ADAM8: variants seen among roughly 807,000 people sequenced by gnomAD.
ADAM8 encodes ADAM metallopeptidase domain 8, also known as disintegrin and metalloproteinase domain-containing protein 8.
ADAM8 carries 104 observed loss-of-function variants against 102.4 expected under a neutral mutation model. That is an observed-to-expected ratio of 1.02 (90% CI 0.87 to 1.20). The LOEUF (loss-of-function observed/expected upper bound fraction) is 1.20, where lower values mean the gene tolerates loss of function less well. Ranked by LOEUF, ADAM8 falls within the 50% of genes most tolerant of loss-of-function variation. The pLI is 0.00. For synonymous variants in ADAM8, 517 were observed against 485.2 expected (o/e 1.07, Z -0.86); for missense variants, 1,132 against 1,159.0 (o/e 0.98, Z 0.34).
chr10:133,270,258 T>G, intron 16 of ADAM8, 102 bp downstream of exon 16: 2 of 1,438,122 alleles, frequency 1.4e-6, no homozygotes, highest in Non-Finnish European at 1.9e-6. Context: ...TCTGTTCCCA[T>G]GGCCTCGAGC....
At chr10:133,270,035 T>G in intron 16 of ADAM8, 61 bp from the exon 17 acceptor site, 25 of 1,559,256 alleles carry the variant, frequency 1.6e-5, no homozygotes, top group Non-Finnish European at 2.1e-5. Context: ...CAGCGTCCCT[T>G]GAAACTGCAT....
chr10:133,274,146 G>A lies in ADAM8; in HGVS notation c.227+13C>T, dbSNP rs768333937. 6.9e-6 allele frequency: 11 copies of A among 1,584,236 alleles called. No homozygotes were observed. Among genetic ancestry groups the A allele is most frequent in the South Asian group, 1.1e-5 (1 of 87,224 alleles). On this transcript the variant is annotated intron_variant, in intron 3 of 22. Coordinates refer to ENST00000445355, the MANE Select transcript of ADAM8 (RefSeq NM_001109.5). Reference sequence around the variant, plus strand: ...CAGGCCCGGGCAGGGGGGCCGACCCGAGACCCACTCACCTGTTCTTCCGCA... The same window carrying A: ...CAGGCCCGGGCAGGGGGGCCGACCCAAGACCCACTCACCTGTTCTTCCGCA...
chr10:133,273,714 C>T (rs890797692), intron 5 of ADAM8, 48 bp downstream of exon 5: 2 of 1,526,110 alleles, frequency 1.3e-6, no homozygotes, highest in African/African-American at 2.8e-5. Flanking sequence ...CAGGCTTAGG[C>T]CTTCCTCTCC....
chr10:133,270,703 A>T (rs1320064287), intron 15 of ADAM8, 33 bp downstream of exon 15: 2 of 1,584,146 alleles, frequency 1.3e-6, no homozygotes, highest in South Asian at 2.2e-5. Context: ...TGGGAACAGC[A>T]CATGTCCTGG....
intron 17 of ADAM8, 82 bp downstream of exon 17, chr10:133,269,815 G>A (rs761292634): frequency 9.4e-6 from 14 of 1,483,574 alleles, no homozygotes; most frequent in African/African-American, 5.5e-5. Flanking sequence ...TCAGGCTCCC[G>A]TGTCCAGAGC....
chr10:133,263,913 C>T (rs542063313), intron 21 of ADAM8, 148 bp from the exon 22 acceptor site: 86 of 639,526 alleles, frequency 1.3e-4, no homozygotes, highest in East Asian at 4.7e-4. Flanking sequence ...CCACTGAGCT[C>T]GCTACAGAAA....
intron 5 of ADAM8, 58 bp from the exon 6 acceptor site, chr10:133,273,501 G>A (rs776280111): frequency 5.6e-5 from 82 of 1,474,098 alleles, no homozygotes; most frequent in Non-Finnish European, 4.6e-5. Context: ...GTCCTGCCCC[G>A]AAGGACCAGA....
intron 20 of ADAM8, 109 bp downstream of exon 20, chr10:133,267,820 G>T: frequency 9.1e-7 from 1 of 1,094,380 alleles, no homozygotes; most frequent in Non-Finnish European, 1.2e-6. Flanking sequence ...GCTGGCCTGT[G>T]CGTGAATTTA....
At chr10:133,272,712 G>T in intron 8 of ADAM8, 86 bp downstream of exon 8, 1 of 1,530,970 alleles carries the variant, frequency 6.5e-7, no homozygotes, top group Non-Finnish European at 8.8e-7. Flanking sequence ...GGCAGAGCTG[G>T]AGCAGGTGGA....
chr10:133,265,186 A>G (rs1376459226), intron 21 of ADAM8, among the ~76,000 whole-genome samples: 3 of 91,054 alleles, frequency 3.3e-5, no homozygotes, highest in African/African-American at 4.5e-5. Flanking sequence ...CTCCACGCCC[A>G]GCTCCTGCTG....
rs907378814 is a variant in ADAM8 at position 133,272,945 on chromosome 10, C to T, written c.636+12G>A. On this transcript the variant is annotated intron_variant, in intron 7 of 22. Transcript: ENST00000445355. ...GCCGGCTGCTCTCCCACCTTCCCTG[C>T]CCCCAACACACCTCTGCATTGTCCA... 27 of 1,612,734 alleles carry T rather than the reference C, an allele frequency of 1.7e-5. No individual in the cohort carries two copies. The highest frequency in any genetic ancestry group is 2.2e-5 in the Non-Finnish European group (26 of 1,179,832).
intron 6 of ADAM8, 48 bp from the exon 7 acceptor site, chr10:133,273,067 C>T (rs749694883): frequency 6.2e-7 from 1 of 1,612,174 alleles, no homozygotes; most frequent in Non-Finnish European, 8.5e-7. Flanking sequence ...GCGCCGGGGC[C>T]TGGACCCTCC....
In ADAM8 at chr10:133,271,958, C is replaced by CAGG. The variant is rs756131553; in HGVS notation, c.958-7_958-5dup. 6.2e-7 allele frequency: 1 copy of CAGG among 1,609,466 alleles called. No individual in the cohort carries two copies. The highest frequency in any genetic ancestry group is 8.5e-7 in the Non-Finnish European group (1 of 1,177,308). Reference sequence around the variant, plus strand: ...CCACGGGGTTCTTGCTGTGGTCCTGCAGGAGGGTCTGTGCTCTCAGGAACC... The same window carrying CAGG: ...CCACGGGGTTCTTGCTGTGGTCCTGCAGGAGGAGGGTCTGTGCTCTCAGGAACC... On this transcript the variant is annotated splice_polypyrimidine_tract_variant and splice_region_variant and intron_variant, in intron 10 of 22. Coordinates refer to ENST00000445355, the MANE Select transcript of ADAM8 (RefSeq NM_001109.5).
Position 133,262,968 on chromosome 10 carries a change from A to G in ADAM8, c.*188T>C. 1 of 738,084 alleles carries G rather than the reference A, an allele frequency of 1.4e-6. No individual in the cohort carries two copies. Among genetic ancestry groups the G allele is most frequent in the Non-Finnish European group, 2.4e-6 (1 of 420,248 alleles). The allele number at this position is 738,084 out of a possible 1,614,324, so 45.7% of individuals were successfully genotyped here. A position where few individuals can be genotyped will look rare whatever the true frequency, so the allele number is the denominator to read the frequency against. ...GGCTACACGTGGCCAAGGCGGGGAG[A>G]AGGAATTGGCTGAGGGCGTGGACAG... On this transcript the variant is annotated 3_prime_UTR_variant, in exon 23 of 23. Transcript: ENST00000445355.
At chr10:133,267,881 C>A (rs1432255404) in intron 20 of ADAM8, 48 bp downstream of exon 20, 3 of 1,256,000 alleles carry the variant, frequency 2.4e-6, no homozygotes, top group Non-Finnish European at 3.0e-6. Flanking sequence ...CAGGATGGGG[C>A]CTGGGCACTG....
In ADAM8 at chr10:133,268,096, T is replaced by C. The variant is rs1360864227; in HGVS notation, c.2086A>G (p.Met696Val). 2 of 1,273,618 alleles carry C rather than the reference T, an allele frequency of 1.6e-6. No homozygotes were observed. The highest frequency in any genetic ancestry group is 1.5e-5 in the African/African-American group (1 of 65,542). 78.9% of individuals were successfully genotyped at this position (1,273,618 alleles called of 1,614,324 possible). A position where few individuals can be genotyped will look rare whatever the true frequency, so the allele number is the denominator to read the frequency against. ...TGGAACAGGGGGTTGGAGCGCCCCA[T>C]TGTGGTCTTGGGAGCCACGTTCCTG... ...LSRNVAPKTT[M>V]GRSNPLFHQA... is the part of the protein sequence containing the mutation. The change falls in exon 20 of 23, where the codon ATG (methionine) becomes GTG (valine). Residue 696 changes from methionine to valine, a missense_variant. By Grantham distance (21) the Met-to-Val change is conservative. Transcript: ENST00000445355.
Position 133,268,011 on chromosome 10 carries a change from TG to T in ADAM8, c.2170del (p.Gln724LysfsTer22). On this transcript the variant is annotated frameshift_variant, in exon 20 of 23. Transcript: ENST00000445355. LOFTEE classifies it high-confidence loss of function. The part of the protein sequence containing the change: ...GGAPAPSRGP[Q>X]ELVPTTHPGQ... ...CGGGTGGGTGGTGGGGACCAGCTCTTGGGGGCCCCTGGATGGGGCTGGAGCC... is the reference window on the plus strand; with the variant it reads ...CGGGTGGGTGGTGGGGACCAGCTCTTGGGGCCCCTGGATGGGGCTGGAGCC... 7.9e-7 allele frequency: 1 copy of T among 1,260,132 alleles called. No individual in the cohort carries two copies. The highest frequency in any genetic ancestry group is 2.5e-4 in the Middle Eastern group (1 of 3,946). The allele number at this position is 1,260,132 out of a possible 1,614,324, so 78.1% of individuals were successfully genotyped here. A position where few individuals can be genotyped will look rare whatever the true frequency, so the allele number is the denominator to read the frequency against.
At chr10:133,273,731 G>T in intron 5 of ADAM8, 31 bp downstream of exon 5, 1 of 1,543,008 alleles carries the variant, frequency 6.5e-7, no homozygotes, top group Non-Finnish European at 8.7e-7. Flanking sequence ...CTCCACCTGC[G>T]GGAGCCCTGG....
At chr10:133,269,876 G>A in intron 17 of ADAM8, 21 bp downstream of exon 17, 1 of 1,611,900 alleles carries the variant, frequency 6.2e-7, no homozygotes, top group Non-Finnish European at 8.5e-7. Context: ...CAGGGGCCCT[G>A]TCCCGAGAGG....
Sources: gnomAD v4.1 joint callset for allele counts (sites outside exome capture counted in the v4.1 genomes callset) on GRCh38, gnomAD v4.1.1 for gene constraint, MANE v1.5 for transcripts, NCBI Gene and HGNC (gene_info 2026-07-23, HGNC 2026-07-21) for gene names.